The following ATP9B variants were observed in gnomAD, a reference collection of about 807,000 sequenced individuals.
ATP9B encodes ATPase phospholipid transporting 9B.
Under a neutral mutation model 146.1 loss-of-function variants are expected in ATP9B, and 110 were observed. The ratio of observed to expected loss-of-function variants is 0.75; its 90% CI spans 0.65 to 0.88. The LOEUF is 0.88. Among genes scored for constraint, ATP9B ranks in the 40% least tolerant of loss-of-function variants. The pLI, the probability that ATP9B is intolerant of heterozygous loss-of-function variation, is 0.00. For synonymous variants in ATP9B, 604 were observed against 569.7 expected (o/e 1.06, Z -0.86); for missense variants, 1,499 against 1,496.4 (o/e 1.00, Z -0.03).
chr18:79,205,580 G>A (rs922778767), intron 9 of ATP9B, among the ~76,000 whole-genome samples: 1 of 151,874 alleles, frequency 6.6e-6, no homozygotes, highest in Non-Finnish European at 1.5e-5. Flanking sequence ...ACGCCCAACA[G>A]TCAGGACAGT....
intron 12 of ATP9B, among the ~76,000 whole-genome samples, chr18:79,260,746 A>AC (rs1489780406): frequency 2.6e-5 from 4 of 152,120 alleles, no homozygotes; most frequent in Non-Finnish European, 4.4e-5. Context: ...AGGAAGAATG[A>AC]CCCCAAGGTC....
In ATP9B at chr18:79,096,652, T is replaced by G; in HGVS notation, c.293+3T>G. ...GGCTGGAAGTTCCTCTGTACCAGGTTTGTTATCCATTGCTACCTAATTTCC... is the reference window on the plus strand; with the variant it reads ...GGCTGGAAGTTCCTCTGTACCAGGTGTGTTATCCATTGCTACCTAATTTCC... On this transcript the variant is annotated splice_donor_region_variant and intron_variant, in intron 2 of 29. Transcript: ENST00000426216. The G allele has an allele frequency of 1.2e-6, 2 of 1,603,884 alleles. No individual in the cohort carries two copies. The highest frequency in any genetic ancestry group is 1.7e-6 in the Non-Finnish European group (2 of 1,176,182).
chr18:79,159,320 A>C, intron 7 of ATP9B, among the ~76,000 whole-genome samples: 1 of 152,154 alleles, frequency 6.6e-6, no homozygotes, highest in Non-Finnish European at 1.5e-5. Flanking sequence ...CCCCATCCAG[A>C]TGAGCTCCCT....
intron 15 of ATP9B, among the ~76,000 whole-genome samples, chr18:79,321,070 C>A (rs1369727533): frequency 1.3e-5 from 2 of 152,182 alleles, no homozygotes; most frequent in African/African-American, 4.8e-5. Context: ...TTTCTAAGAG[C>A]CTTCTAAAAA....
intron 17 of ATP9B, among the ~76,000 whole-genome samples, chr18:79,334,020 A>C (rs1362985412): frequency 6.6e-6 from 1 of 152,178 alleles, no homozygotes; most frequent in Non-Finnish European, 1.5e-5. Flanking sequence ...CTCTACAGGG[A>C]GGGTCACTGT....
At position 79,110,450 on chromosome 18, in the gene ATP9B, A is replaced by G. The variant is rs1259929956; in HGVS notation, c.389A>G (p.His130Arg). 6.2e-7 allele frequency: 1 copy of G among 1,613,314 alleles called. No individual in the cohort carries two copies. The highest frequency in any genetic ancestry group is 8.5e-7 in the Non-Finnish European group (1 of 1,179,476). The part of the protein sequence containing the change: ...LGCPEKCEEK[H>R]PRNSIKNQKY... ...TGTCCTGAAAAGTGTGAAGAAAAAC[A>G]TCCCAGGAATTCTATAAAAAATCAA... Residue 130 changes from histidine (H) to arginine (R), a missense_variant, in exon 3 of 30, where the codon CAT becomes CGT. Transcript: ENST00000426216.
chr18:79,173,114 A>G (rs2147898714), intron 7 of ATP9B, among the ~76,000 whole-genome samples: 1 of 152,248 alleles, frequency 6.6e-6, no homozygotes, highest in East Asian at 1.9e-4. Flanking sequence ...TTCTTGCTGC[A>G]TGTTTGCCAT....
At chr18:79,161,738 T>C (rs984913150) in intron 7 of ATP9B, among the ~76,000 whole-genome samples, 4 of 151,932 alleles carry the variant, frequency 2.6e-5, no homozygotes, top group African/African-American at 4.8e-5. Flanking sequence ...CCCAGGTACT[T>C]GGGAGGCTGA....
chr18:79,073,049 G>A (rs1297956405), intron 1 of ATP9B, among the ~76,000 whole-genome samples: 1 of 151,444 alleles, frequency 6.6e-6, no homozygotes, highest in African/African-American at 2.4e-5. Context: ...GGGCAGAGGA[G>A]CTCCTCCCAT....
intron 15 of ATP9B, among the ~76,000 whole-genome samples, chr18:79,325,186 C>T (rs968796011): frequency 2.2e-4 from 33 of 152,140 alleles, no homozygotes; most frequent in African/African-American, 8.0e-4. Context: ...CTGGTACTCT[C>T]CCTGGAAATA....
intron 11 of ATP9B, among the ~76,000 whole-genome samples, chr18:79,217,651 G>A (rs968110828): frequency 1.2e-4 from 18 of 152,214 alleles, no homozygotes; most frequent in Admixed American, 2.0e-4. Flanking sequence ...TCCAGGGGAA[G>A]CCTCGGTATT....
intron 17 of ATP9B, among the ~76,000 whole-genome samples, chr18:79,332,172 G>A (rs2096793821): frequency 6.6e-6 from 1 of 152,252 alleles, no homozygotes. Flanking sequence ...GCTTACGCCT[G>A]TAATGCCAGC....
intron 5 of ATP9B, among the ~76,000 whole-genome samples, chr18:79,135,792 C>T (rs2094440299): frequency 6.6e-6 from 1 of 152,146 alleles, no homozygotes; most frequent in South Asian, 2.1e-4. Context: ...AGGAATTATA[C>T]TTACGAATAT....
chr18:79,328,767 GA>G (rs200417716), intron 15 of ATP9B, among the ~76,000 whole-genome samples: 2 of 152,160 alleles, frequency 1.3e-5, no homozygotes, highest in Non-Finnish European at 2.9e-5. Context: ...TGGAACTGGG[GA>G]GGGAGAAACC....
chr18:79,165,918 G>A (rs1294485078), intron 7 of ATP9B, among the ~76,000 whole-genome samples: 2 of 152,178 alleles, frequency 1.3e-5, no homozygotes, highest in Admixed American at 6.5e-5. Context: ...CCTGAGCATT[G>A]TATCCCAGTG....
intron 11 of ATP9B, among the ~76,000 whole-genome samples, chr18:79,250,175 C>G (rs1451895903): frequency 2.0e-5 from 3 of 152,190 alleles, no homozygotes; most frequent in Non-Finnish European, 2.9e-5. Context: ...CCATCCAATA[C>G]GTGGCATTTT....
At chr18:79,244,141 GC>G (rs2095916688) in intron 11 of ATP9B, among the ~76,000 whole-genome samples, 1 of 127,354 alleles carries the variant, frequency 7.9e-6, no homozygotes, top group East Asian at 2.2e-4. Context: ...CCCCCCCTCC[GC>G]CCCCTCTATT....
chr18:79,164,476 G>A (rs538597088), intron 7 of ATP9B, among the ~76,000 whole-genome samples: 1 of 152,266 alleles, frequency 6.6e-6, no homozygotes, highest in South Asian at 2.1e-4. Flanking sequence ...AGCACTTTGG[G>A]AGGCCGAGGC....
intron 12 of ATP9B, among the ~76,000 whole-genome samples, chr18:79,273,870 T>C (rs1186210776): frequency 6.6e-6 from 1 of 152,240 alleles, no homozygotes; most frequent in Non-Finnish European, 1.5e-5. Context: ...TTACGAATGC[T>C]TTCTTCCTGT....
Sources: allele counts gnomAD v4.1 joint callset (sites outside exome capture counted in the v4.1 genomes callset), GRCh38; gene constraint gnomAD v4.1.1; transcripts MANE v1.5; gene names NCBI Gene and HGNC (gene_info 2026-07-23, HGNC 2026-07-21).